Variants in KCTD8 observed in about 807,000 individuals in gnomAD.
KCTD8 encodes potassium channel tetramerization domain containing 8, also known as BTB/POZ domain-containing protein KCTD8.
In KCTD8, 27 loss-of-function variants were observed where a neutral mutation model predicts 31.5. The observed-to-expected ratio is 0.86, with a 90% CI of 0.63 to 1.18. The LOEUF (loss-of-function observed/expected upper bound fraction) is 1.18. Among genes scored for constraint, KCTD8 ranks in the 50% most tolerant of loss-of-function variants. The pLI is 0.00. For synonymous variants in KCTD8, 290 were observed against 280.0 expected (o/e 1.04, Z -0.36); for missense variants, 658 against 647.7 (o/e 1.02, Z -0.17).
At chr4:44,211,477 G>A (rs1164734759) in intron 1 of KCTD8, among the ~76,000 whole-genome samples, 1 of 152,020 alleles carries the variant, frequency 6.6e-6, no homozygotes, top group African/African-American at 2.4e-5. Context: ...ATATTTCTAA[G>A]GGTCACCCAT....
intron 1 of KCTD8, among the ~76,000 whole-genome samples, chr4:44,279,161 A>G (rs964304184): frequency 9.2e-5 from 14 of 152,110 alleles, no homozygotes; most frequent in African/African-American, 3.1e-4. Flanking sequence ...TATAGTTGCC[A>G]TAACAATCAC....
chr4:44,307,628 C>T (rs985543350), intron 1 of KCTD8, among the ~76,000 whole-genome samples: 20 of 151,988 alleles, frequency 1.3e-4, no homozygotes, highest in African/African-American at 2.9e-4. Context: ...TCATAAAACA[C>T]GATTGCTTCC....
chr4:44,324,032 TTAAAG>T (rs1455487236), intron 1 of KCTD8, among the ~76,000 whole-genome samples: 2 of 132,474 alleles, frequency 1.5e-5, no homozygotes, highest in Non-Finnish European at 3.2e-5. Flanking sequence ...ACCCTAAAAC[TTAAAG>T]TATAATTAAA....
At chr4:44,424,150 CG>C (rs1560451419) in intron 1 of KCTD8, among the ~76,000 whole-genome samples, 1 of 151,992 alleles carries the variant, frequency 6.6e-6, no homozygotes, top group East Asian at 1.9e-4. Flanking sequence ...GTAAAATCAA[CG>C]GGGTGACAAT....
At chr4:44,224,427 A>T (rs1446252333) in intron 1 of KCTD8, among the ~76,000 whole-genome samples, 1 of 152,124 alleles carries the variant, frequency 6.6e-6, no homozygotes, top group Non-Finnish European at 1.5e-5. Context: ...TACAATCTCT[A>T]TCACTGGGCC....
chr4:44,178,390 C>T (rs1299914032), intron 1 of KCTD8, among the ~76,000 whole-genome samples: 1 of 152,022 alleles, frequency 6.6e-6, no homozygotes, highest in Non-Finnish European at 1.5e-5. Context: ...TGCAGCATCT[C>T]TTTAGTTACC....
intron 1 of KCTD8, among the ~76,000 whole-genome samples, chr4:44,235,813 A>T (rs1470045013): frequency 6.6e-6 from 1 of 151,850 alleles, no homozygotes; most frequent in Admixed American, 6.6e-5. Flanking sequence ...CATACTACAA[A>T]ACATTGCAGG....
intron 1 of KCTD8, among the ~76,000 whole-genome samples, chr4:44,211,703 T>C (rs929806858): frequency 9.2e-5 from 14 of 152,116 alleles, no homozygotes; most frequent in Admixed American, 6.6e-5. Context: ...AATACAACTT[T>C]ATAAGATAAA....
chr4:44,389,505 T>A (rs1368491032), intron 1 of KCTD8, among the ~76,000 whole-genome samples: 3 of 151,738 alleles, frequency 2.0e-5, no homozygotes, highest in African/African-American at 7.3e-5. Flanking sequence ...ACTGTATGAT[T>A]CCATATGATT....
intron 1 of KCTD8, among the ~76,000 whole-genome samples, chr4:44,320,152 C>G (rs923252338): frequency 1.8e-5 from 2 of 110,466 alleles, no homozygotes; most frequent in African/African-American, 7.2e-5. Flanking sequence ...CACTGGGTGA[C>G]AGAGCAAGCC....
At chr4:44,381,255 T>A (rs777983753) in intron 1 of KCTD8, among the ~76,000 whole-genome samples, 13 of 152,176 alleles carry the variant, frequency 8.5e-5, no homozygotes, top group Non-Finnish European at 1.8e-4. Flanking sequence ...TAAAAATGAA[T>A]GCTTATCTCC....
intron 1 of KCTD8, among the ~76,000 whole-genome samples, chr4:44,375,952 T>C (rs1218188354): frequency 1.3e-5 from 2 of 151,414 alleles, no homozygotes; most frequent in African/African-American, 4.8e-5. Flanking sequence ...CTCTCTCTAC[T>C]CCTTACTCAT....
At chr4:44,391,482 T>G (rs1201737859) in intron 1 of KCTD8, among the ~76,000 whole-genome samples, 1 of 151,932 alleles carries the variant, frequency 6.6e-6, no homozygotes, top group Non-Finnish European at 1.5e-5. Context: ...AGGGTGAAGA[T>G]CTTTATGATA....
chr4:44,298,768 A>G (rs772161540), intron 1 of KCTD8, among the ~76,000 whole-genome samples: 56 of 152,342 alleles, frequency 3.7e-4, no homozygotes, highest in Admixed American at 7.8e-4. Flanking sequence ...GACAGGTGAC[A>G]ACATTTCTGG....
At chr4:44,439,524 T>A (rs187466755) in intron 1 of KCTD8, among the ~76,000 whole-genome samples, 11 of 152,318 alleles carry the variant, frequency 7.2e-5, no homozygotes, top group Non-Finnish European at 1.6e-4. Flanking sequence ...AAAGTTGGTT[T>A]ATTTTTATTA....
At chr4:44,326,784 A>C (rs1718452538) in intron 1 of KCTD8, among the ~76,000 whole-genome samples, 2 of 151,724 alleles carry the variant, frequency 1.3e-5, no homozygotes, top group Non-Finnish European at 2.9e-5. Flanking sequence ...CAGTCTTTCC[A>C]ATATATAAAC....
At chr4:44,393,680 A>C (rs1422491178) in intron 1 of KCTD8, among the ~76,000 whole-genome samples, 1 of 151,838 alleles carries the variant, frequency 6.6e-6, no homozygotes, top group Non-Finnish European at 1.5e-5. Context: ...AGAATATTTA[A>C]GTATCTTATA....
intron 1 of KCTD8, among the ~76,000 whole-genome samples, chr4:44,332,478 T>A (rs1718612535): frequency 6.6e-6 from 1 of 152,008 alleles, no homozygotes. Flanking sequence ...AATGAAATAT[T>A]ATTCACCATT....
Position 44,174,260 on chromosome 4 carries a change from G to A in KCTD8, c.*530C>T, listed in dbSNP as rs1335031058. The A allele has an allele frequency of 1.3e-5, 2 of 152,018 alleles. No individual in the cohort carries two copies. Among genetic ancestry groups the A allele is most frequent in the Admixed American group, 1.3e-4 (2 of 15,204 alleles). 9.4% of individuals were successfully genotyped at this position (152,018 alleles called of 1,614,324 possible). On this transcript the variant is annotated 3_prime_UTR_variant, in exon 2 of 2. Coordinates refer to ENST00000360029, the MANE Select transcript of KCTD8 (RefSeq NM_198353.3). Reference sequence around the variant, plus strand: ...TTTTTTGTAATTTTTTTCTTTCCAAGCAACAAACAGATCTTCCCTATTTCT... The same window carrying A: ...TTTTTTGTAATTTTTTTCTTTCCAAACAACAAACAGATCTTCCCTATTTCT...
Sources: gnomAD v4.1 joint callset for allele counts (sites outside exome capture counted in the v4.1 genomes callset) on GRCh38, gnomAD v4.1.1 for gene constraint, MANE v1.5 for transcripts, NCBI Gene and HGNC (gene_info 2026-07-23, HGNC 2026-07-21) for gene names.